HIVEP3: variants seen among roughly 807,000 people sequenced by gnomAD.
HIVEP3 encodes transcription factor HIVEP3.
A neutral mutation model predicts 152.8 loss-of-function variants in HIVEP3; 49 were observed. The observed-to-expected ratio is 0.32, with a 90% confidence interval of 0.26 to 0.41. The LOEUF is 0.41. HIVEP3 is among the 10% of genes least tolerant of loss of function. The pLI is 1.00. For missense variants in HIVEP3, 2,790 were observed against 3,103.3 expected, an observed-to-expected ratio of 0.90 and a Z score of 2.40; for synonymous variants, 1,269 against 1,289.0, an observed-to-expected ratio of 0.98 and a Z score of 0.33.
chr1:41,605,252 T>C (rs993141515), intron 3 of HIVEP3, among the ~76,000 whole-genome samples: 1 of 150,630 alleles, frequency 6.6e-6, no homozygotes, highest in Non-Finnish European at 1.5e-5. Context: ...GGATAGTGGT[T>C]TCTGATTTCT....
At chr1:41,901,882 C>A (rs1644630570) in intron 1 of HIVEP3, among the ~76,000 whole-genome samples, 1 of 152,154 alleles carries the variant, frequency 6.6e-6, no homozygotes, top group African/African-American at 2.4e-5. Flanking sequence ...TTGTGAATTG[C>A]CTTCTTCCCT....
intron 1 of HIVEP3, among the ~76,000 whole-genome samples, chr1:41,833,025 C>G (rs1643008374): frequency 2.0e-5 from 3 of 152,192 alleles, no homozygotes. Context: ...GGGACAGATC[C>G]TACAAATGCA....
chr1:41,678,539 C>T (rs1332667548), intron 2 of HIVEP3, among the ~76,000 whole-genome samples: 1 of 151,826 alleles, frequency 6.6e-6, no homozygotes, highest in Non-Finnish European at 1.5e-5. Context: ...GGCTCGCGCT[C>T]CTCTCCACCC....
intron 1 of HIVEP3, among the ~76,000 whole-genome samples, chr1:41,795,406 C>T (rs1073926): frequency 0.22 from 33,489 of 152,080 alleles, 4,589 homozygotes; most frequent in Non-Finnish European, 0.3. Flanking sequence ...TCACGTGATA[C>T]CAACAAGGTG....
intron 1 of HIVEP3, among the ~76,000 whole-genome samples, chr1:41,991,636 T>C (rs1645362151): frequency 6.6e-6 from 1 of 151,832 alleles, no homozygotes; most frequent in African/African-American, 2.4e-5. Context: ...GAATCCTCCC[T>C]AACTCATTTT....
At chr1:41,739,458 C>G (rs979109641) in intron 1 of HIVEP3, among the ~76,000 whole-genome samples, 17 of 152,210 alleles carry the variant, frequency 1.1e-4, no homozygotes, top group African/African-American at 3.9e-4. Context: ...GCCAAGTGAC[C>G]GCCCACAGAG....
At chr1:41,869,589 T>C (rs975923140) in intron 1 of HIVEP3, 1 of 152,214 alleles carries the variant, frequency 6.6e-6, no homozygotes, top group Non-Finnish European at 1.5e-5. Flanking sequence ...GTTATCTCCC[T>C]GCACAGTGTT....
chr1:41,727,002 CT>C (rs891267394), intron 1 of HIVEP3, among the ~76,000 whole-genome samples: 3 of 152,158 alleles, frequency 2.0e-5, no homozygotes, highest in African/African-American at 7.2e-5. Flanking sequence ...TTTCTACAGG[CT>C]TTGGTGTCTC....
chr1:41,643,032 C>G (rs534753252), intron 2 of HIVEP3, among the ~76,000 whole-genome samples: 5 of 152,174 alleles, frequency 3.3e-5, no homozygotes, highest in Admixed American at 2.0e-4. Context: ...TAAGTTCCTA[C>G]GCCCATGAGC....
chr1:41,564,161 C>G (rs960939770), intron 5 of HIVEP3, among the ~76,000 whole-genome samples: 4 of 152,082 alleles, frequency 2.6e-5, no homozygotes, highest in Admixed American at 1.3e-4. Flanking sequence ...CCACTGCACT[C>G]CAGCTTGGCA....
At chr1:41,551,987 T>C (rs934920437) in intron 5 of HIVEP3, among the ~76,000 whole-genome samples, 1 of 152,232 alleles carries the variant, frequency 6.6e-6, no homozygotes, top group African/African-American at 2.4e-5. Flanking sequence ...GTGTCGATTT[T>C]AGATCTTTTC....
chr1:41,996,231 A>T lies in HIVEP3; in HGVS notation n.119+39576T>A, dbSNP rs187478719. Reference sequence around the variant, plus strand: ...AACATATCAAGACGTTATTTCTATTAAAAAAAAAATAGCTGAGCGTGGTGG... The same window carrying T: ...AACATATCAAGACGTTATTTCTATTTAAAAAAAAATAGCTGAGCGTGGTGG... On this transcript the variant is annotated intron_variant and non_coding_transcript_variant, in intron 1 of 3. Coordinates refer to the HIVEP3 transcript ENST00000489103. 1.3e-3 allele frequency among the ~76,000 whole-genome samples: 184 copies of T among 139,276 alleles called. 1 individual carries two copies. The highest frequency in any genetic ancestry group is 6.7e-3 in the East Asian group (34 of 5,096). 91.4% of individuals were successfully genotyped at this position (139,276 alleles called of 152,430 possible). A position where few individuals can be genotyped will look rare whatever the true frequency, so the allele number is the denominator to read the frequency against.
chr1:41,898,201 T>C (rs1269227059), intron 1 of HIVEP3, among the ~76,000 whole-genome samples: 1 of 152,236 alleles, frequency 6.6e-6, no homozygotes, highest in Admixed American at 6.5e-5. Flanking sequence ...GTTCTCACTG[T>C]ATGGACACAA....
chr1:41,987,703 T>C (rs796115423), intron 1 of HIVEP3, among the ~76,000 whole-genome samples: 2 of 152,314 alleles, frequency 1.3e-5, no homozygotes, highest in Admixed American at 6.5e-5. Context: ...CAATTGAAAT[T>C]AGACCCTGTA....
intron 1 of HIVEP3, among the ~76,000 whole-genome samples, chr1:41,762,540 G>A (rs954023945): frequency 3.3e-5 from 5 of 152,166 alleles, no homozygotes; most frequent in African/African-American, 1.2e-4. Flanking sequence ...GGGCATCCCC[G>A]TTTGGGTGCC....
chr1:41,681,304 G>A (rs1211846552), intron 2 of HIVEP3, among the ~76,000 whole-genome samples: 1 of 152,156 alleles, frequency 6.6e-6, no homozygotes, highest in Non-Finnish European at 1.5e-5. Flanking sequence ...TTGTTACCCA[G>A]GCTAGTCTTG....
At chr1:41,705,893 C>T (rs1646426408) in intron 1 of HIVEP3, among the ~76,000 whole-genome samples, 1 of 152,220 alleles carries the variant, frequency 6.6e-6, no homozygotes, top group South Asian at 2.1e-4. Flanking sequence ...AGGGAAAGGG[C>T]TAACACACCA....
chr1:42,025,983 T>C (rs1645579562), intron 1 of HIVEP3, among the ~76,000 whole-genome samples: 1 of 151,482 alleles, frequency 6.6e-6, no homozygotes, highest in Non-Finnish European at 1.5e-5. Context: ...GGTGAGAGGA[T>C]CACTTGAACC....
At chr1:41,699,369 G>T (rs1646326362) in intron 2 of HIVEP3, among the ~76,000 whole-genome samples, 1 of 152,242 alleles carries the variant, frequency 6.6e-6, no homozygotes, top group South Asian at 2.1e-4. Flanking sequence ...GAGACGACAG[G>T]TGTGTGAAAG....
Sources: gnomAD v4.1 joint callset for allele counts (sites outside exome capture counted in the v4.1 genomes callset) on GRCh38, gnomAD v4.1.1 for gene constraint, MANE v1.5 for transcripts, NCBI Gene and HGNC (gene_info 2026-07-23, HGNC 2026-07-21) for gene names.